Variants in RCAN1 observed in about 807,000 individuals in gnomAD.
RCAN1 encodes calcipressin-1.
Under a neutral mutation model 22.9 loss-of-function variants are expected in RCAN1, and 11 were observed. The ratio of observed to expected loss-of-function variants is 0.48; its 90% CI spans 0.30 to 0.79. The LOEUF (loss-of-function observed/expected upper bound fraction) is 0.79, where lower values mean the gene tolerates loss of function less well. RCAN1 is among the 30% of genes least tolerant of loss of function. RCAN1 has a pLI of 0.06. For missense variants in RCAN1, 291 were observed against 337.8 expected (o/e 0.86, Z 1.09); for synonymous variants, 136 against 142.3 (o/e 0.96, Z 0.32).
intron 1 of RCAN1, among the ~76,000 whole-genome samples, chr21:34,562,182 G>A (rs185396287): frequency 2.0e-5 from 3 of 152,310 alleles, no homozygotes; most frequent in Admixed American, 6.5e-5. Context: ...ATTTCCTTCA[G>A]GGGCAATTTC....
intron 1 of RCAN1, among the ~76,000 whole-genome samples, chr21:34,571,563 A>G (rs1418093740): frequency 6.6e-6 from 1 of 152,200 alleles, no homozygotes; most frequent in Non-Finnish European, 1.5e-5. Context: ...GAATACAGAT[A>G]AAATTTTTTT....
chr21:34,531,773 C>G (rs1396166944), intron 1 of RCAN1, among the ~76,000 whole-genome samples: 1 of 152,140 alleles, frequency 6.6e-6, no homozygotes, highest in Non-Finnish European at 1.5e-5. Context: ...ACACACTCCC[C>G]TCTTCTCTTC....
At chr21:34,563,794 T>TATATAGAGAGAGAGAG (rs765741781) in intron 1 of RCAN1, among the ~76,000 whole-genome samples, 1 of 48,724 alleles carries the variant, frequency 2.1e-5, no homozygotes, top group African/African-American at 8.4e-5. Context: ...TATATATATA[T>TATATAGAGAGAGAGAG]AGAGAGAGAG....
At chr21:34,548,623 T>C (rs971540830) in intron 1 of RCAN1, among the ~76,000 whole-genome samples, 4 of 152,234 alleles carry the variant, frequency 2.6e-5, no homozygotes, top group African/African-American at 9.6e-5. Context: ...ATTTTAGCAC[T>C]TGTAAAACCT....
intron 3 of RCAN1, chr21:34,521,158 T>A (rs532884727): frequency 8.7e-5 from 118 of 1,354,738 alleles, no homozygotes; most frequent in Non-Finnish European, 1.1e-4. Flanking sequence ...CAATCACTCA[T>A]CCCTATCCGG....
At chr21:34,538,645 C>T (rs1464086847) in intron 1 of RCAN1, among the ~76,000 whole-genome samples, 3 of 152,106 alleles carry the variant, frequency 2.0e-5, no homozygotes, top group Admixed American at 2.0e-4. Context: ...CTAGTGGAAG[C>T]CTAGCCGACT....
intron 1 of RCAN1, among the ~76,000 whole-genome samples, chr21:34,551,371 T>A (rs1026033070): frequency 2.0e-5 from 3 of 152,336 alleles, no homozygotes; most frequent in Admixed American, 6.5e-5. Flanking sequence ...CTGAATCACA[T>A]TTCCTAAAAT....
In RCAN1 at chr21:34,598,064, C is replaced by A. The variant is rs189315142; in HGVS notation, c.252+16696G>T. Among the ~76,000 whole-genome samples the A allele has an allele frequency of 8.5e-5, 13 of 152,140 alleles. No individual in the cohort carries two copies. In the East Asian group the frequency reaches 2.1e-3, roughly 25 times the overall value. On this transcript the variant is annotated intron_variant, in intron 1 of 3. Transcript: ENST00000313806. ...ATGGCTTACATAAGTAGAATAACAC[C>A]ACAGGAACCTAGGATGTAAAGACGT...
chr21:34,523,386 G>T, intron 2 of RCAN1, 151 bp downstream of exon 2: 1 of 710,834 alleles, frequency 1.4e-6, no homozygotes. Context: ...AAACAAGTGA[G>T]ACGCTGAACA....
At chr21:34,546,177 CTT>C (rs1163441132) in intron 1 of RCAN1, among the ~76,000 whole-genome samples, 1 of 152,174 alleles carries the variant, frequency 6.6e-6, no homozygotes, top group Non-Finnish European at 1.5e-5. Flanking sequence ...ATTTCAGTGA[CTT>C]AGAAAATGGC....
intron 1 of RCAN1, among the ~76,000 whole-genome samples, chr21:34,545,653 C>T (rs2123634321): frequency 6.6e-6 from 1 of 152,314 alleles, no homozygotes; most frequent in Admixed American, 6.5e-5. Context: ...GAGGAAACAG[C>T]TTCTCCTTGC....
At chr21:34,528,010 A>G (rs1985172077) in intron 1 of RCAN1, among the ~76,000 whole-genome samples, 1 of 152,212 alleles carries the variant, frequency 6.6e-6, no homozygotes, top group Non-Finnish European at 1.5e-5. Context: ...TGAACCTTCT[A>G]AGTATTTTAC....
intron 1 of RCAN1, among the ~76,000 whole-genome samples, chr21:34,554,462 C>T (rs755974841): frequency 3.3e-5 from 5 of 152,190 alleles, no homozygotes; most frequent in Admixed American, 6.5e-5. Context: ...AGGTGAGAGG[C>T]GGATCAGGAA....
chr21:34,562,921 A>G (rs918205972), intron 1 of RCAN1, among the ~76,000 whole-genome samples: 1 of 152,228 alleles, frequency 6.6e-6, no homozygotes, highest in Non-Finnish European at 1.5e-5. Flanking sequence ...ACCTGCTGCC[A>G]CCAGCACGCC....
intron 1 of RCAN1, among the ~76,000 whole-genome samples, chr21:34,574,838 C>G (rs1987357475): frequency 6.6e-6 from 1 of 152,194 alleles, no homozygotes; most frequent in African/African-American, 2.4e-5. Flanking sequence ...GAACGTAATC[C>G]TCACCAGCTG....
intron 1 of RCAN1, among the ~76,000 whole-genome samples, chr21:34,585,811 GAACAAACAGAA>G (rs1424624146): frequency 6.8e-6 from 1 of 146,740 alleles, no homozygotes; most frequent in Non-Finnish European, 1.5e-5. Context: ...AGAACAAGTA[GAACAAACAGAA>G]AACAAACAGT....
intron 1 of RCAN1, among the ~76,000 whole-genome samples, chr21:34,601,911 C>A (rs1005317877): frequency 1.3e-5 from 2 of 151,764 alleles, no homozygotes; most frequent in African/African-American, 4.8e-5. Context: ...CACCTTCACA[C>A]TCACTGCACT....
At position 34,588,764 on chromosome 21, in the gene RCAN1, G is replaced by A. The variant is rs185691700; in HGVS notation, c.252+25996C>T. Among the ~76,000 whole-genome samples the A allele has an allele frequency of 3.8e-3, 572 of 152,318 alleles. 1 individual carries two copies. Among genetic ancestry groups the A allele is most frequent in the African/African-American group, 0.013 (546 of 41,554 alleles). ...CAGCAGCATCCTTCAAAATAGCCAA[G>A]ATGGCAGCAACCCCAGTGTAGATCA... On this transcript the variant is annotated intron_variant, in intron 1 of 3. Coordinates refer to ENST00000313806, the MANE Select transcript of RCAN1 (RefSeq NM_004414.7).
intron 1 of RCAN1, among the ~76,000 whole-genome samples, chr21:34,556,283 G>A (rs1261945957): frequency 3.3e-5 from 5 of 150,796 alleles, no homozygotes; most frequent in Non-Finnish European, 5.9e-5. Flanking sequence ...AAAATTAGCC[G>A]GACATGGTGG....
Sources: gnomAD v4.1 joint callset for allele counts (sites outside exome capture counted in the v4.1 genomes callset) on GRCh38, gnomAD v4.1.1 for gene constraint, MANE v1.5 for transcripts, NCBI Gene and HGNC (gene_info 2026-07-23, HGNC 2026-07-21) for gene names.